Variants in GRM2 observed in about 807,000 individuals in gnomAD.
GRM2 encodes metabotropic glutamate receptor 2.
GRM2 carries 35 observed loss-of-function variants against 60.4 expected under a neutral mutation model. The observed-to-expected ratio is 0.58, with a 90% CI of 0.44 to 0.77. The LOEUF (loss-of-function observed/expected upper bound fraction) is 0.77. Among genes scored for constraint, GRM2 ranks in the 30% least tolerant of loss-of-function variants. The pLI is 0.00. For synonymous variants in GRM2, 437 were observed against 484.1 expected, an observed-to-expected ratio of 0.90 and a Z score of 1.28; for missense variants, 925 against 1,199.5, an observed-to-expected ratio of 0.77 and a Z score of 3.38.
chr3:51,718,418 C>T lies in GRM2; in HGVS notation c.*306C>T, dbSNP rs1168547065. On this transcript the variant is annotated 3_prime_UTR_variant, in exon 6 of 6. Coordinates refer to ENST00000395052, the MANE Select transcript of GRM2 (RefSeq NM_000839.5). The surrounding 1 kb of genome is among the most constrained non-coding windows in gnomAD (Gnocchi z 4.2). Reference sequence around the variant, plus strand: ...CCTGGACCCGGGTGGCTGAGGACGGCAGGCCCCAGTCCTAACCAGCAAAGG... The same window carrying T: ...CCTGGACCCGGGTGGCTGAGGACGGTAGGCCCCAGTCCTAACCAGCAAAGG... 4.9e-6 allele frequency: 2 copies of T among 407,872 alleles called. No homozygotes were observed. Among genetic ancestry groups the T allele is most frequent in the African/African-American group, 4.1e-5 (2 of 49,030 alleles). 25.3% of individuals were successfully genotyped at this position (407,872 alleles called of 1,614,324 possible).
At position 51,717,634 on chromosome 3, in the gene GRM2, C is replaced by T; in HGVS notation, c.2365-3C>T. The T allele has an allele frequency of 6.2e-7, 1 of 1,612,092 alleles. No homozygotes were observed. The highest frequency in any genetic ancestry group is 8.5e-7 in the Non-Finnish European group (1 of 1,179,156). ...TGCTTGTTCACCCACTCACCCACCGCAGGTACAGACCACCACCATGTGCGT... is the reference window on the plus strand; with the variant it reads ...TGCTTGTTCACCCACTCACCCACCGTAGGTACAGACCACCACCATGTGCGT... On this transcript the variant is annotated splice_region_variant and splice_polypyrimidine_tract_variant and intron_variant, in intron 4 of 5. Coordinates refer to ENST00000395052, the MANE Select transcript of GRM2 (RefSeq NM_000839.5). The surrounding 1 kb of genome is among the most constrained non-coding windows in gnomAD (Gnocchi z 6.0).
intron 3 of GRM2, 76 bp from the exon 4 acceptor site, chr3:51,714,986 T>C: frequency 2.2e-6 from 2 of 895,764 alleles, no homozygotes; most frequent in Non-Finnish European, 1.7e-6. Context: ...TTGGGTTCCA[T>C]GTTAGGGTGA....
Position 51,716,017 on chromosome 3 carries a change from G to C in GRM2, c.2244G>C (p.Lys748Asn), listed in dbSNP as rs1400968257. The C allele has an allele frequency of 6.2e-7, 1 of 1,614,220 alleles. No homozygotes were observed. The highest frequency in any genetic ancestry group is 1.1e-5 in the South Asian group (1 of 91,074). ...LIALCTLYAF[K>N]TRKCPENFNE... ...CGCTCTGCACGCTTTATGCCTTCAA[G>C]ACTCGCAAGTGCCCCGAAAACTTCA... Residue 748 changes from lysine (K) to asparagine (N), a missense_variant, in exon 4 of 6, where the codon AAG becomes AAC. Transcript: ENST00000395052. This position sits in a 1 kb window ranked among gnomAD's most constrained non-coding sequence, Gnocchi z 4.0.
rs868275841 is a variant in GRM2, at chr3:51,709,809, C to A, written c.450+376C>A. On this transcript the variant is annotated intron_variant, in intron 2 of 5. Coordinates refer to ENST00000395052, the MANE Select transcript of GRM2 (RefSeq NM_000839.5). ...ACCCACACACACCCCACACCCACCC[C>A]CACACCCACACACACACCCAGACAC... Among the ~76,000 whole-genome samples, 136 of 29,170 alleles carry A rather than the reference C, an allele frequency of 4.7e-3. 1 individual carries two copies. The highest frequency in any genetic ancestry group is 0.015 in the African/African-American group (131 of 8,932). 19.1% of individuals were successfully genotyped at this position (29,170 alleles called of 152,430 possible).
Position 51,712,895 on chromosome 3 carries a change from G to T in GRM2, c.873G>T (p.Trp291Cys). 1 of 1,613,018 alleles carries T rather than the reference G, an allele frequency of 6.2e-7. No individual in the cohort carries two copies. ...AGCGCCTCAATGCCAGCTTCACCTGGGTGGCCAGTGATGGTTGGGGGGCCC... is the reference window on the plus strand; with the variant it reads ...AGCGCCTCAATGCCAGCTTCACCTGTGTGGCCAGTGATGGTTGGGGGGCCC... ...ASQRLNASFT[W>C]VASDGWGALE... is the part of the protein sequence containing the mutation. Residue 291 changes from tryptophan to cysteine, a missense_variant, in exon 3 of 6, where the codon TGG becomes TGT. Coordinates refer to ENST00000395052, the MANE Select transcript of GRM2 (RefSeq NM_000839.5). This position sits in a 1 kb window ranked among gnomAD's most constrained non-coding sequence, Gnocchi z 5.3.
Position 51,713,793 on chromosome 3 carries a change from A to G in GRM2, c.1288+483A>G. The G allele has an allele frequency of 4.5e-6, 1 of 222,464 alleles. No individual in the cohort carries two copies. Among genetic ancestry groups the G allele is most frequent in the Middle Eastern group, 1.3e-3 (1 of 742 alleles). 13.8% of individuals were successfully genotyped at this position (222,464 alleles called of 1,614,324 possible). On this transcript the variant is annotated intron_variant, in intron 3 of 5. Coordinates refer to ENST00000395052, the MANE Select transcript of GRM2 (RefSeq NM_000839.5). This position sits in a 1 kb window ranked among gnomAD's most constrained non-coding sequence, Gnocchi z 4.8. The stretch of plus-strand genomic sequence containing the variant: ...CTTTTCTTAGATGGGGTCTCACTAT[A>G]TTTTGTAGGCTGGAGTGCAGTGGTT...
intron 2 of GRM2, chr3:51,711,242 C>T (rs1703702233): frequency 6.6e-6 from 1 of 152,224 alleles, no homozygotes; most frequent in Non-Finnish European, 1.5e-5. Context: ...GTCCCAGTCA[C>T]TGGAGGTGGC....
intron 2 of GRM2, among the ~76,000 whole-genome samples, chr3:51,710,998 G>A (rs1267478280): frequency 1.3e-5 from 2 of 152,246 alleles, no homozygotes; most frequent in Admixed American, 6.5e-5. Context: ...GGGCATTGCC[G>A]AGATGGAGAG....
Position 51,717,736 on chromosome 3 carries a change from C to G in GRM2, c.2464C>G (p.Gln822Glu). 6.2e-7 allele frequency: 1 copy of G among 1,614,134 alleles called. No homozygotes were observed. Among genetic ancestry groups the G allele is most frequent in the Non-Finnish European group, 8.5e-7 (1 of 1,180,016 alleles). ...GCTGCACATCATCCTCTTCCAGCCGCAGAAGAACGTGGTTAGCCACCGGGC... is the reference window on the plus strand; with the variant it reads ...GCTGCACATCATCCTCTTCCAGCCGGAGAAGAACGTGGTTAGCCACCGGGC... ...PKLHIILFQPQKNVVSHRAPT... is the reference protein window; with the variant it reads ...PKLHIILFQPEKNVVSHRAPT... The change falls in exon 5 of 6, where the codon CAG becomes GAG. Residue 822 changes from glutamine (Q) to glutamate (E), a missense_variant. Coordinates refer to ENST00000395052, the MANE Select transcript of GRM2 (RefSeq NM_000839.5). The surrounding 1 kb of genome is among the most constrained non-coding windows in gnomAD (Gnocchi z 6.0).
In GRM2 at chr3:51,715,968, T is replaced by C. The variant is rs1239194699; in HGVS notation, c.2195T>C (p.Leu732Pro). 1.9e-6 allele frequency: 3 copies of C among 1,614,068 alleles called. No homozygotes were observed. In the Admixed American group the frequency reaches 5.0e-5, roughly 27 times the overall value. Residue 732 changes from leucine to proline, a missense_variant, in exon 4 of 6, where the codon CTG (leucine) becomes CCG (proline). Transcript: ENST00000395052. The surrounding 1 kb of genome is among the most constrained non-coding windows in gnomAD (Gnocchi z 9.0). ...CGCGATGCAAGTATGTTGGGCTCGC[T>C]GGCCTACAATGTGCTCCTCATCGCG... is the stretch of plus-strand genomic sequence containing the variant. Reference protein sequence around the residue: ...NHRDASMLGSLAYNVLLIALC... With the variant: ...NHRDASMLGSPAYNVLLIALC...
rs1703590758 is a variant in GRM2 at position 51,708,826 on chromosome 3, CTG to C, written c.-136-20_-136-19del. 3.5e-6 allele frequency: 2 copies of C among 564,250 alleles called. No individual in the cohort carries two copies. Among genetic ancestry groups the C allele is most frequent in the Non-Finnish European group, 6.1e-6 (2 of 328,520 alleles). 35.0% of individuals were successfully genotyped at this position (564,250 alleles called of 1,614,324 possible). A position where few individuals can be genotyped will look rare whatever the true frequency, so the allele number is the denominator to read the frequency against. Reference sequence around the variant, plus strand: ...GTTCCACTTTTCCTGGTCTGTTTTTCTGTCTTTCTATCTCTCTGCAGGAGCTG... The same window carrying C: ...GTTCCACTTTTCCTGGTCTGTTTTTCTCTTTCTATCTCTCTGCAGGAGCTG... On this transcript the variant is annotated intron_variant, in intron 1 of 5. Coordinates refer to ENST00000395052, the MANE Select transcript of GRM2 (RefSeq NM_000839.5).
chr3:51,717,501 G>T lies in GRM2; in HGVS notation c.2365-136G>T. On this transcript the variant is annotated intron_variant, in intron 4 of 5. Coordinates refer to ENST00000395052, the MANE Select transcript of GRM2 (RefSeq NM_000839.5). This position sits in a 1 kb window ranked among gnomAD's most constrained non-coding sequence, Gnocchi z 6.0. Reference sequence around the variant, plus strand: ...TGCCCAATTTTCCTAGCAATGCTTTGGGATCCGGCAAATGGACCACAGCCC... The same window carrying T: ...TGCCCAATTTTCCTAGCAATGCTTTTGGATCCGGCAAATGGACCACAGCCC... The T allele has an allele frequency of 1.5e-6, 1 of 668,314 alleles. No homozygotes were observed. Among genetic ancestry groups the T allele is most frequent in the South Asian group, 1.9e-5 (1 of 53,376 alleles). 41.4% of individuals were successfully genotyped at this position (668,314 alleles called of 1,614,324 possible).
Position 51,718,045 on chromosome 3 carries a change from G to A in GRM2, c.2552G>A (p.Gly851Asp), listed in dbSNP as rs757826006. 1.1e-5 allele frequency: 18 copies of A among 1,614,002 alleles called. No homozygotes were observed. In the Admixed American group the frequency reaches 3.0e-4, roughly 27 times the overall value. ...TCTGGCTTCCTTTTCTTAGGGTCTGGCTCCCAGTTTGTCCCCACTGTTTGC... is the reference window on the plus strand; with the variant it reads ...TCTGGCTTCCTTTTCTTAGGGTCTGACTCCCAGTTTGTCCCCACTGTTTGC... The part of the protein sequence containing the change: ...RASSSLGQGS[G>D]SQFVPTVCNG... The change falls in exon 6 of 6, where the codon GGC (glycine) becomes GAC (aspartate). Residue 851 changes from glycine (G) to aspartate (D), a missense_variant. Transcript: ENST00000395052. This position sits in a 1 kb window ranked among gnomAD's most constrained non-coding sequence, Gnocchi z 4.2.
In GRM2 at chr3:51,717,504, A is replaced by G; in HGVS notation, c.2365-133A>G. On this transcript the variant is annotated intron_variant, in intron 4 of 5. Coordinates refer to ENST00000395052, the MANE Select transcript of GRM2 (RefSeq NM_000839.5). This position sits in a 1 kb window ranked among gnomAD's most constrained non-coding sequence, Gnocchi z 6.0. ...CCAATTTTCCTAGCAATGCTTTGGG[A>G]TCCGGCAAATGGACCACAGCCCAGT... The G allele has an allele frequency of 1.5e-6, 1 of 678,508 alleles. No individual in the cohort carries two copies. The highest frequency in any genetic ancestry group is 2.5e-6 in the Non-Finnish European group (1 of 401,898). The allele number at this position is 678,508 out of a possible 1,614,324, so 42.0% of individuals were successfully genotyped here. A position where few individuals can be genotyped will look rare whatever the true frequency, so the allele number is the denominator to read the frequency against.
At position 51,713,404 on chromosome 3, in the gene GRM2, T is replaced by A; in HGVS notation, c.1288+94T>A. On this transcript the variant is annotated intron_variant, in intron 3 of 5. Coordinates refer to ENST00000395052, the MANE Select transcript of GRM2 (RefSeq NM_000839.5). This position sits in a 1 kb window ranked among gnomAD's most constrained non-coding sequence, Gnocchi z 4.8. The stretch of plus-strand genomic sequence containing the variant: ...TTCCATTCCTTTGCTAAGGAAACAG[T>A]AGAGTGAAAGTAAAGGACTCACCTG... 2.2e-6 allele frequency: 2 copies of A among 923,160 alleles called. No individual in the cohort carries two copies. The highest frequency in any genetic ancestry group is 3.3e-6 in the Non-Finnish European group (2 of 607,866). 57.2% of individuals were successfully genotyped at this position (923,160 alleles called of 1,614,324 possible).
intron 3 of GRM2, chr3:51,714,460 G>C (rs1294442183): frequency 1.3e-5 from 2 of 153,880 alleles, no homozygotes; most frequent in African/African-American, 4.8e-5. Context: ...AGGTTTACAG[G>C]GGATGAAGTG....
chr3:51,717,758 G>C lies in GRM2; in HGVS notation c.2486G>C (p.Arg829Pro). The change falls in exon 5 of 6, where the codon CGG (arginine) becomes CCG (proline). Residue 829 changes from arginine to proline, a missense_variant. Transcript: ENST00000395052. The surrounding 1 kb of genome is among the most constrained non-coding windows in gnomAD (Gnocchi z 6.0). ...FQPQKNVVSH[R>P]APTSRFGSAA... is the part of the protein sequence containing the mutation. ...CCGCAGAAGAACGTGGTTAGCCACC[G>C]GGCACCCACCAGCCGCTTTGGCAGT... The C allele has an allele frequency of 6.2e-7, 1 of 1,614,096 alleles. No individual in the cohort carries two copies. The highest frequency in any genetic ancestry group is 1.1e-5 in the South Asian group (1 of 91,084).
intron 2 of GRM2, 115 bp downstream of exon 2, chr3:51,709,548 T>C (rs1703617847): frequency 1.4e-6 from 1 of 704,580 alleles, no homozygotes; most frequent in Non-Finnish European, 2.3e-6. Flanking sequence ...AACTAGAAGC[T>C]TCCTTGCAGT....
In GRM2 at chr3:51,718,157, G is replaced by A. The variant is rs535970882; in HGVS notation, c.*45G>A. 2.6e-5 allele frequency: 39 copies of A among 1,516,212 alleles called. No homozygotes were observed. In the African/African-American group the frequency reaches 4.8e-4, roughly 19 times the overall value. 93.9% of individuals were successfully genotyped at this position (1,516,212 alleles called of 1,614,324 possible). On this transcript the variant is annotated 3_prime_UTR_variant, in exon 6 of 6. Coordinates refer to ENST00000395052, the MANE Select transcript of GRM2 (RefSeq NM_000839.5). This position sits in a 1 kb window ranked among gnomAD's most constrained non-coding sequence, Gnocchi z 4.2. ...TGACACAGCTGCTCCTGGGAACCTA[G>A]TGCAGACCCACGTCCAGGGCCAGGA...
Sources: allele counts gnomAD v4.1 joint callset (sites outside exome capture counted in the v4.1 genomes callset), GRCh38; gene constraint gnomAD v4.1.1; non-coding constraint Gnocchi (gnomAD v3.1); transcripts MANE v1.5; gene names NCBI Gene and HGNC (gene_info 2026-07-23, HGNC 2026-07-21).